Variants in COL16A1 observed in about 807,000 individuals in gnomAD.
COL16A1 encodes collagen type XVI alpha 1 chain.
COL16A1 carries 189 observed loss-of-function variants against 266.3 expected under a neutral mutation model. The ratio of observed to expected loss-of-function variants is 0.71; its 90% confidence interval spans 0.63 to 0.80. The LOEUF is 0.80. Ranked by LOEUF, COL16A1 falls within the 30% of genes least tolerant of loss-of-function variation. COL16A1 has a pLI of 0.00. For missense variants in COL16A1, 1,928 were observed against 2,122.4 expected (o/e 0.91, Z 1.80); for synonymous variants, 740 against 782.3 (o/e 0.95, Z 0.90).
chr1:31,678,479 C>T (rs922178521), intron 42 of COL16A1, among the ~76,000 whole-genome samples: 8 of 152,178 alleles, frequency 5.3e-5, no homozygotes, highest in African/African-American at 1.7e-4. Flanking sequence ...CCTAGTCGGG[C>T]GGCCTTAGAC....
rs530511091 is a variant in COL16A1 at position 31,655,942 on chromosome 1, C to T, written c.4102-440G>A. The T allele has an allele frequency of 1.7e-5, 5 of 302,688 alleles. No homozygotes were observed. In the East Asian group the frequency reaches 4.0e-4, roughly 24 times the overall value. The allele number at this position is 302,688 out of a possible 1,614,324, so 18.8% of individuals were successfully genotyped here. On this transcript the variant is annotated intron_variant, in intron 66 of 70. Transcript: ENST00000373672. ...CCTCCTGAGCTGAAGTGTTCCTGTT[C>T]TCTCTGCAGCCTCTCCGACTCCCCA...
chr1:31,693,329 G>T, intron 12 of COL16A1, 175 bp from the exon 13 acceptor site: 5 of 619,730 alleles, frequency 8.1e-6, no homozygotes, highest in Non-Finnish European at 1.2e-5. Flanking sequence ...CAAGCATATG[G>T]ATTCCACACC....
rs545728139 is a variant in COL16A1 at position 31,664,445 on chromosome 1, T to A, written c.3555+727A>T. ...GGCTCAGGGGAAAGAGGCTCCCACC[T>A]GTCCCTCTGAACCCAGGTCCCCCGA... is the stretch of plus-strand genomic sequence containing the variant. On this transcript the variant is annotated intron_variant, in intron 56 of 70. Coordinates refer to ENST00000373672, the MANE Select transcript of COL16A1 (RefSeq NM_001856.4). This position sits in a 1 kb window ranked among gnomAD's most constrained non-coding sequence, Gnocchi z 5.5. Among the ~76,000 whole-genome samples, 1 of 152,240 alleles carries A rather than the reference T, an allele frequency of 6.6e-6. No homozygotes were observed. Among genetic ancestry groups the A allele is most frequent in the African/African-American group, 2.4e-5 (1 of 41,534 alleles).
At position 31,656,332 on chromosome 1, in the gene COL16A1, C is replaced by G; in HGVS notation, c.4101+68G>C. The stretch of plus-strand genomic sequence containing the variant: ...TGTGTCTCCTCTCTGTGGCTAAAGC[C>G]GTAACTTGCAGCTGGGCTTCATCCA... On this transcript the variant is annotated intron_variant, in intron 66 of 70. Transcript: ENST00000373672. This position sits in a 1 kb window ranked among gnomAD's most constrained non-coding sequence, Gnocchi z 4.2. 1 of 1,584,522 alleles carries G rather than the reference C, an allele frequency of 6.3e-7. No individual in the cohort carries two copies. Among genetic ancestry groups the G allele is most frequent in the Non-Finnish European group, 8.6e-7 (1 of 1,165,316 alleles).
At position 31,654,835 on chromosome 1, in the gene COL16A1, T is replaced by G. The variant is rs1640961835; in HGVS notation, c.4314A>C (p.Glu1438Asp). Residue 1438 changes from glutamate (E) to aspartate (D), a missense_variant, in exon 68 of 71, where the codon GAA becomes GAC. Glu to Asp is a conservative substitution (Grantham distance 45, BLOSUM62 2). Transcript: ENST00000373672. ...GSMGDMVNYD[E>D]IKRFIRQEII... ...TCTCTTGTCTGATGAACCTCTTGAT[T>G]TCATCATAATTCACCATGTCTCCCT... 6.2e-7 allele frequency: 1 copy of G among 1,614,120 alleles called. No homozygotes were observed. The highest frequency in any genetic ancestry group is 8.5e-7 in the Non-Finnish European group (1 of 1,180,034).
rs202008728 is a variant in COL16A1 at position 31,682,954 on chromosome 1, C to A, written c.2518G>T (p.Ala840Ser). 1.9e-3 allele frequency: 3,004 copies of A among 1,614,062 alleles called. 3 individuals are homozygous for A. Among genetic ancestry groups the A allele is most frequent in the Non-Finnish European group, 2.2e-3 (2,652 of 1,180,022 alleles). ...CTTACCGGAGGCCCAGAGACACTGG[C>A]CCCAGGAGGTCCCACAGGTCCGGTG... Reference protein sequence around the residue: ...GATGPVGPPGASVSGPPGRDG... With the variant: ...GATGPVGPPGSSVSGPPGRDG... The change falls in exon 37 of 71, where the codon GCC becomes TCC. Residue 840 changes from alanine to serine, a missense_variant. Around this residue, in one of 2 missense-constraint regions of COL16A1, gnomAD observed 1,552 missense variants for 1,637.2 expected, o/e 0.95. Transcript: ENST00000373672.
At chr1:31,702,931 C>T (rs1196912490) in intron 1 of COL16A1, among the ~76,000 whole-genome samples, 2 of 152,130 alleles carry the variant, frequency 1.3e-5, no homozygotes, top group African/African-American at 4.8e-5. Flanking sequence ...TGGATGGGCC[C>T]AGATAAATCG....
chr1:31,699,735 T>G, intron 4 of COL16A1, 78 bp downstream of exon 4: 2 of 959,640 alleles, frequency 2.1e-6, no homozygotes, highest in Non-Finnish European at 3.3e-6. Context: ...CCCCTGGGCT[T>G]AAGCCCCACA....
chr1:31,694,838 A>T (rs1248025099), intron 11 of COL16A1, among the ~76,000 whole-genome samples: 10 of 152,178 alleles, frequency 6.6e-5, no homozygotes, highest in Admixed American at 6.5e-4. Context: ...CTAGGCCTCC[A>T]GGAGAATGAA....
Position 31,656,126 on chromosome 1 carries a change from G to C in COL16A1, c.4101+274C>G, listed in dbSNP as rs1281969484. The C allele has an allele frequency of 1.1e-5, 6 of 534,376 alleles. No homozygotes were observed. Among genetic ancestry groups the C allele is most frequent in the Non-Finnish European group, 2.0e-5 (6 of 302,532 alleles). 33.1% of individuals were successfully genotyped at this position (534,376 alleles called of 1,614,324 possible). Reference sequence around the variant, plus strand: ...AGGCCAGGACAAGGGCCTGGAATGTGAGCAGGAGCAAGGGAGTGCTCGGGA... The same window carrying C: ...AGGCCAGGACAAGGGCCTGGAATGTCAGCAGGAGCAAGGGAGTGCTCGGGA... On this transcript the variant is annotated intron_variant, in intron 66 of 70. Coordinates refer to ENST00000373672, the MANE Select transcript of COL16A1 (RefSeq NM_001856.4). This position sits in a 1 kb window ranked among gnomAD's most constrained non-coding sequence, Gnocchi z 4.2.
chr1:31,675,249 A>C lies in COL16A1; in HGVS notation c.2826+9T>G. ...GGGGCATGCACAGGGAGTCCTGGCC[A>C]GTACCCACCAGTTCTGCAGTGAGCC... is the stretch of plus-strand genomic sequence containing the variant. On this transcript the variant is annotated intron_variant, in intron 43 of 70. Coordinates refer to ENST00000373672, the MANE Select transcript of COL16A1 (RefSeq NM_001856.4). The C allele has an allele frequency of 6.2e-6, 10 of 1,614,244 alleles. No homozygotes were observed. Among genetic ancestry groups the C allele is most frequent in the Non-Finnish European group, 8.5e-6 (10 of 1,180,046 alleles).
chr1:31,679,979 C>G, intron 40 of COL16A1, 63 bp downstream of exon 40: 1 of 1,599,968 alleles, frequency 6.3e-7, no homozygotes, highest in Non-Finnish European at 8.5e-7. Context: ...ACACTGGGCA[C>G]CAGACGAGGC....
At chr1:31,675,081 G>A (rs1643068730) in intron 43 of COL16A1, 42 bp from the exon 44 acceptor site, 2 of 1,612,634 alleles carry the variant, frequency 1.2e-6, no homozygotes, top group Admixed American at 3.3e-5. Flanking sequence ...GTGAGGGGAA[G>A]GAACATGGAG....
At position 31,665,511 on chromosome 1, in the gene COL16A1, T is replaced by C. The variant is rs770624668; in HGVS notation, c.3492+72A>G. The C allele has an allele frequency of 5.9e-5, 95 of 1,612,916 alleles. 1 individual carries two copies. The highest frequency in any genetic ancestry group is 7.7e-5 in the Non-Finnish European group (91 of 1,179,758). Reference sequence around the variant, plus strand: ...TCCCCAGGACCATCCTACCCCAGCCTGGCCTGGTCAGGCCTGCCCCTCCCG... The same window carrying C: ...TCCCCAGGACCATCCTACCCCAGCCCGGCCTGGTCAGGCCTGCCCCTCCCG... On this transcript the variant is annotated intron_variant, in intron 55 of 70. Transcript: ENST00000373672.
Position 31,652,876 on chromosome 1 carries a change from G to A in COL16A1, c.4613-23C>T, listed in dbSNP as rs768938636. 6.8e-6 allele frequency: 10 copies of A among 1,465,296 alleles called. No individual in the cohort carries two copies. The African/African-American group carries it at 1.4e-4, about 21-fold the overall frequency. 90.8% of individuals were successfully genotyped at this position (1,465,296 alleles called of 1,614,324 possible). On this transcript the variant is annotated intron_variant, in intron 70 of 70. Coordinates refer to ENST00000373672, the MANE Select transcript of COL16A1 (RefSeq NM_001856.4). The surrounding 1 kb of genome is among the most constrained non-coding windows in gnomAD (Gnocchi z 4.8). ...GACCTAGGGAGGGAAGGGCCACAGA[G>A]GGAAAATCAGAAGACCCAGATCATA... is the stretch of plus-strand genomic sequence containing the variant.
intron 26 of COL16A1, 149 bp from the exon 27 acceptor site, chr1:31,686,428 C>T: frequency 1.8e-6 from 2 of 1,113,144 alleles, no homozygotes. Context: ...TCCAAGGTCC[C>T]CAAGGGAGTC....
chr1:31,661,890 G>A, intron 58 of COL16A1, 186 bp from the exon 59 acceptor site: 1 of 660,698 alleles, frequency 1.5e-6, no homozygotes, highest in Non-Finnish European at 2.6e-6. Context: ...CCGGGCCTTA[G>A]CTTTCCTTCT....
intron 63 of COL16A1, 95 bp from the exon 64 acceptor site, chr1:31,658,672 A>G: frequency 8.2e-7 from 1 of 1,223,098 alleles, no homozygotes; most frequent in Non-Finnish European, 1.2e-6. Flanking sequence ...TGTGCCAGGG[A>G]CTACAGGGAG....
In COL16A1 at chr1:31,656,178, GTCAA is replaced by G. The variant is rs1641128913; in HGVS notation, c.4101+218_4101+221del. On this transcript the variant is annotated intron_variant, in intron 66 of 70. Coordinates refer to ENST00000373672, the MANE Select transcript of COL16A1 (RefSeq NM_001856.4). The surrounding 1 kb of genome is among the most constrained non-coding windows in gnomAD (Gnocchi z 4.2). ...ATGGAAACAATGAATGAATCAATCAGTCAATCAGTGAGTAAATGAACTGGAGATT... is the reference window on the plus strand; with the variant it reads ...ATGGAAACAATGAATGAATCAATCAGTCAGTGAGTAAATGAACTGGAGATT... 3 of 681,608 alleles carry G rather than the reference GTCAA, an allele frequency of 4.4e-6. No homozygotes were observed. Among genetic ancestry groups the G allele is most frequent in the Admixed American group, 3.0e-5 (1 of 32,796 alleles). The allele number at this position is 681,608 out of a possible 1,614,324, so 42.2% of individuals were successfully genotyped here. A position where few individuals can be genotyped will look rare whatever the true frequency, so the allele number is the denominator to read the frequency against.
Sources: allele counts gnomAD v4.1 joint callset (sites outside exome capture counted in the v4.1 genomes callset), GRCh38; gene constraint gnomAD v4.1.1; regional missense constraint gnomAD v4.1.1; non-coding constraint Gnocchi (gnomAD v3.1); transcripts MANE v1.5; gene names NCBI Gene and HGNC (gene_info 2026-07-23, HGNC 2026-07-21).